Variants in ENOX2 observed in about 807,000 individuals in gnomAD.
The protein encoded by ENOX2 is APK1 antigen.
ENOX2 carries 36 observed loss-of-function variants against 45.0 expected under a neutral mutation model. The observed-to-expected ratio is 0.80, with a 90% CI of 0.61 to 1.06. The LOEUF is 1.06. ENOX2 is among the 50% of genes least tolerant of loss of function. The pLI is 0.00. For missense variants in ENOX2, 423 were observed against 462.5 expected, an observed-to-expected ratio of 0.91 and a Z score of 0.78; for synonymous variants, 174 against 152.3, an observed-to-expected ratio of 1.14 and a Z score of -1.05.
chrX:130,688,406 A>G (rs1382882876), intron 5 of ENOX2, among the ~76,000 whole-genome samples: 3 of 111,820 alleles, frequency 2.7e-5, no homozygotes. Flanking sequence ...CTCACTGTAT[A>G]TTACAACCCA....
chrX:130,645,876 G>T (rs973609929), intron 10 of ENOX2: 45 of 676,328 alleles, frequency 6.7e-5, no homozygotes, highest in Admixed American at 4.5e-5. Context: ...GCAGGTTCAA[G>T]ACCATGATCA....
chrX:130,721,524 C>A (rs746000342), intron 3 of ENOX2, among the ~76,000 whole-genome samples: 1 of 112,102 alleles, frequency 8.9e-6, no homozygotes. Flanking sequence ...CTTGAGACAA[C>A]TTCACTTCCC....
chrX:130,724,075 A>T (rs1313671483), intron 3 of ENOX2, among the ~76,000 whole-genome samples: 1 of 112,274 alleles, frequency 8.9e-6, no homozygotes, highest in Non-Finnish European at 1.9e-5. Context: ...ATTGCAGTTC[A>T]CACTATTTGT....
chrX:130,631,656 C>G (rs1222342490), intron 12 of ENOX2, 80 bp from the exon 13 acceptor site: 20 of 531,934 alleles, frequency 3.8e-5, no homozygotes, highest in Non-Finnish European at 6.0e-5. Flanking sequence ...CAACAGGTAA[C>G]TTAACACAGG....
chrX:130,818,540 C>T (rs1217957364), intron 2 of ENOX2, among the ~76,000 whole-genome samples: 1 of 111,467 alleles, frequency 9.0e-6, no homozygotes, highest in Non-Finnish European at 1.9e-5. Context: ...GGTACTGGTA[C>T]CAAAACAGAT....
Position 130,679,719 on chromosome X carries a change from G to T in ENOX2, c.283C>A (p.Pro95Thr). The change falls in exon 6 of 15, where the codon CCA becomes ACA. Residue 95 changes from proline to threonine, a missense_variant. Physicochemically the swap from Pro to Thr is conservative, Grantham distance 38 (BLOSUM62 -1). Transcript: ENST00000394363. Reference protein sequence around the residue: ...NLPPPATRERPPGCKTVFVGG... With the variant: ...NLPPPATRERTPGCKTVFVGG... ...ACAAATACTGTTTTGCATCCTGGTG[G>T]TCTTTCTCGGGTTGCAGGAGGTGGG... 1 of 1,210,841 alleles carries T rather than the reference G, an allele frequency of 8.3e-7. No homozygotes were observed. The highest frequency in any genetic ancestry group is 1.1e-6 in the Non-Finnish European group (1 of 894,453).
intron 2 of ENOX2, among the ~76,000 whole-genome samples, chrX:130,881,696 C>T (rs780875579): frequency 9.0e-6 from 1 of 111,474 alleles, no homozygotes; most frequent in South Asian, 3.8e-4. Flanking sequence ...GCAAAATGTT[C>T]CACAAAGGCA....
chrX:130,902,034 T>A (rs2079150402), intron 1 of ENOX2, among the ~76,000 whole-genome samples: 1 of 111,243 alleles, frequency 9.0e-6, no homozygotes, highest in Non-Finnish European at 1.9e-5. Flanking sequence ...GGAGCCCAGA[T>A]TAAAATTCAC....
At chrX:130,801,049 T>C (rs1191475109) in intron 2 of ENOX2, among the ~76,000 whole-genome samples, 3 of 112,641 alleles carry the variant, frequency 2.7e-5, no homozygotes, top group Non-Finnish European at 5.6e-5. Context: ...TTTTGTTTAA[T>C]GGCAACTTTG....
intron 6 of ENOX2, among the ~76,000 whole-genome samples, chrX:130,677,222 C>T (rs767668276): frequency 1.4e-3 from 157 of 112,223 alleles, no homozygotes; most frequent in Non-Finnish European, 2.5e-3. Context: ...CTCACTTCCT[C>T]CTCCATGGCA....
At chrX:130,791,114 G>A (rs1313685201) in intron 2 of ENOX2, among the ~76,000 whole-genome samples, 2 of 111,264 alleles carry the variant, frequency 1.8e-5, no homozygotes, top group Admixed American at 9.5e-5. Flanking sequence ...ATGAGTCGCC[G>A]TACCTGGCCT....
chrX:130,802,029 T>TA (rs1197697853), intron 2 of ENOX2, among the ~76,000 whole-genome samples: 2 of 112,095 alleles, frequency 1.8e-5, no homozygotes, highest in African/African-American at 3.2e-5. Flanking sequence ...GAAAATCACT[T>TA]AAATACTTTT....
intron 13 of ENOX2, among the ~76,000 whole-genome samples, chrX:130,631,166 C>T (rs1229905585): frequency 9.0e-6 from 1 of 110,909 alleles, no homozygotes; most frequent in East Asian, 2.8e-4. Flanking sequence ...TATCCTTGCA[C>T]AGATATTTAA....
intron 2 of ENOX2, among the ~76,000 whole-genome samples, chrX:130,895,709 A>G (rs776258038): frequency 5.6e-4 from 63 of 112,344 alleles, no homozygotes; most frequent in African/African-American, 1.9e-3. Flanking sequence ...AGAGCACCAG[A>G]AAGGGGAGGG....
chrX:130,885,165 G>A (rs756183878), intron 2 of ENOX2, among the ~76,000 whole-genome samples: 3 of 111,935 alleles, frequency 2.7e-5, no homozygotes, highest in East Asian at 2.8e-4. Context: ...CATCTCTAGC[G>A]TCCTATCCAA....
intron 2 of ENOX2, among the ~76,000 whole-genome samples, chrX:130,841,361 A>G (rs2078011662): frequency 8.9e-6 from 1 of 111,756 alleles, no homozygotes; most frequent in Non-Finnish European, 1.9e-5. Context: ...GGAGGGGGAA[A>G]CCTTGGATTA....
chrX:130,676,588 G>A (rs938608757), intron 6 of ENOX2, among the ~76,000 whole-genome samples: 10 of 111,302 alleles, frequency 9.0e-5, no homozygotes, highest in Non-Finnish European at 1.7e-4. Flanking sequence ...GTACACCTAC[G>A]CAGGGTTTTT....
intron 9 of ENOX2, among the ~76,000 whole-genome samples, chrX:130,665,423 A>G (rs1324350344): frequency 8.9e-6 from 1 of 112,291 alleles, no homozygotes; most frequent in Non-Finnish European, 1.9e-5. Flanking sequence ...TCCATCCAGC[A>G]GAATGCATTC....
chrX:130,719,007 G>A (rs1428852551), intron 3 of ENOX2, among the ~76,000 whole-genome samples: 1 of 112,151 alleles, frequency 8.9e-6, no homozygotes, highest in Non-Finnish European at 1.9e-5. Flanking sequence ...CACCTGATCA[G>A]TTTGCGCCTG....
Sources: gnomAD v4.1 joint callset for allele counts (sites outside exome capture counted in the v4.1 genomes callset) on GRCh38, gnomAD v4.1.1 for gene constraint, MANE v1.5 for transcripts, NCBI Gene and HGNC (gene_info 2026-07-23, HGNC 2026-07-21) for gene names.